Variants in TBC1D9 observed in about 807,000 individuals in gnomAD.
TBC1D9 encodes the protein TBC1 domain family member 9A.
Under a neutral mutation model 132.0 loss-of-function variants are expected in TBC1D9, and 63 were observed. That is an observed-to-expected ratio of 0.48 (90% CI 0.39 to 0.59). The LOEUF (loss-of-function observed/expected upper bound fraction) is 0.59, where lower values mean the gene tolerates loss of function less well. Among genes scored for constraint, TBC1D9 ranks in the 20% least tolerant of loss-of-function variants. The pLI is 0.00. For synonymous variants in TBC1D9, 610 were observed against 609.9 expected (o/e 1.00, Z 0.00); for missense variants, 1,261 against 1,592.7 (o/e 0.79, Z 3.54).
intron 13 of TBC1D9, chr4:140,641,934 A>C: frequency 2.1e-6 from 1 of 472,140 alleles, no homozygotes; most frequent in Non-Finnish European, 3.9e-6. Flanking sequence ...CACAGAAAGT[A>C]TTTTGTGTTT....
chr4:140,750,147 GA>G (rs1738898266), intron 1 of TBC1D9, among the ~76,000 whole-genome samples: 1 of 127,530 alleles, frequency 7.8e-6, no homozygotes, highest in Admixed American at 8.1e-5. Flanking sequence ...AACAGGCAAG[GA>G]GAACAAAAAT....
intron 1 of TBC1D9, among the ~76,000 whole-genome samples, chr4:140,709,956 G>A (rs1236955279): frequency 6.6e-6 from 1 of 152,116 alleles, no homozygotes; most frequent in Non-Finnish European, 1.5e-5. Flanking sequence ...AACAGGCCAC[G>A]GACTGACAGG....
chr4:140,705,539 T>C (rs1363614932), intron 1 of TBC1D9, among the ~76,000 whole-genome samples: 5 of 148,054 alleles, frequency 3.4e-5, no homozygotes, highest in Admixed American at 1.3e-4. Context: ...TGTGTGTGTG[T>C]GTGCGTTTTA....
intron 1 of TBC1D9, chr4:140,712,353 T>A (rs1233382894): frequency 1.4e-5 from 2 of 147,102 alleles, no homozygotes; most frequent in East Asian, 4.1e-4. Flanking sequence ...AATAACTAGT[T>A]TATCTCAAGT....
At chr4:140,652,910 G>A (rs1003704680) in intron 13 of TBC1D9, among the ~76,000 whole-genome samples, 2 of 152,174 alleles carry the variant, frequency 1.3e-5, no homozygotes, top group African/African-American at 2.4e-5. Flanking sequence ...ACACTGGGCT[G>A]GGTCATCTCG....
intron 20 of TBC1D9, 118 bp from the exon 21 acceptor site, chr4:140,623,035 G>A (rs1307076930): frequency 2.4e-5 from 30 of 1,253,402 alleles, no homozygotes; most frequent in South Asian, 3.6e-5. Flanking sequence ...AAAGTCCTCC[G>A]CCTAGGCTGG....
Position 140,751,372 on chromosome 4 carries a change from A to G in TBC1D9, c.130+4544T>C, listed in dbSNP as rs563160175. 3.9e-5 allele frequency among the ~76,000 whole-genome samples: 6 copies of G among 152,310 alleles called. No homozygotes were observed. In the South Asian group the frequency reaches 1.2e-3, roughly 32 times the overall value. On this transcript the variant is annotated intron_variant, in intron 1 of 20. Coordinates refer to ENST00000442267, the MANE Select transcript of TBC1D9 (RefSeq NM_015130.3). ...CAATAAATCATTCTGGGGCAAATGA[A>G]TGTCCACAAAAAGTTTAAAATACAA...
At chr4:140,627,349 T>C (rs1736725052) in intron 18 of TBC1D9, 92 bp downstream of exon 18, 3 of 796,764 alleles carry the variant, frequency 3.8e-6, no homozygotes, top group East Asian at 5.5e-5. Context: ...CATACTTCTT[T>C]GATTGACTAG....
intron 9 of TBC1D9, among the ~76,000 whole-genome samples, chr4:140,665,984 C>T (rs1191372631): frequency 1.3e-5 from 2 of 151,878 alleles, no homozygotes; most frequent in Non-Finnish European, 1.5e-5. Flanking sequence ...GTGCCCAGCC[C>T]ACACAAAAAC....
chr4:140,627,704 T>A (rs1038412250), intron 17 of TBC1D9, among the ~76,000 whole-genome samples, 177 bp from the exon 18 acceptor site: 1 of 152,202 alleles, frequency 6.6e-6, no homozygotes, highest in Non-Finnish European at 1.5e-5. Context: ...ACTAACTCCA[T>A]CTAACTCCAC....
chr4:140,717,573 T>A (rs1231862732), intron 1 of TBC1D9, among the ~76,000 whole-genome samples: 11 of 152,226 alleles, frequency 7.2e-5, no homozygotes, highest in Non-Finnish European at 1.5e-4. Flanking sequence ...ACCTTCACTT[T>A]CAGCTGAAAA....
chr4:140,673,967 C>T (rs180886377), intron 6 of TBC1D9, among the ~76,000 whole-genome samples: 4 of 152,332 alleles, frequency 2.6e-5, no homozygotes, highest in Admixed American at 6.5e-5. Context: ...TCCAGACCCT[C>T]TCTGCTCCTC....
intron 1 of TBC1D9, among the ~76,000 whole-genome samples, chr4:140,703,051 C>T (rs1378604128): frequency 6.6e-6 from 1 of 152,114 alleles, no homozygotes. Context: ...AGGGATTAGG[C>T]CACCTGAAAA....
intron 1 of TBC1D9, among the ~76,000 whole-genome samples, chr4:140,739,373 C>A (rs1738724507): frequency 6.6e-6 from 1 of 152,162 alleles, no homozygotes; most frequent in South Asian, 2.1e-4. Context: ...TTCCTCCCTC[C>A]TTTTGTAAAA....
intron 3 of TBC1D9, among the ~76,000 whole-genome samples, chr4:140,685,009 G>A (rs1737758940): frequency 6.6e-6 from 1 of 152,050 alleles, no homozygotes; most frequent in African/African-American, 2.4e-5. Context: ...ATAAATAAAT[G>A]GAGGGAAGAC....
At chr4:140,632,658 A>C (rs894460981) in intron 16 of TBC1D9, among the ~76,000 whole-genome samples, 1 of 152,162 alleles carries the variant, frequency 6.6e-6, no homozygotes, top group African/African-American at 2.4e-5. Context: ...TCTTTAGCTA[A>C]ATATGGAGAT....
Position 140,668,964 on chromosome 4 carries a change from T to C in TBC1D9, c.1541A>G (p.Lys514Arg). Residue 514 changes from lysine to arginine, a missense_variant, in exon 9 of 21, where the codon AAG (lysine) becomes AGG (arginine). Lys to Arg is a conservative substitution (Grantham distance 26). Transcript: ENST00000442267. ...RTEKTRELVL[K>R]GIPESMRGEL... Reference sequence around the variant, plus strand: ...CCCACGCATGCTCTCCGGGATGCCCTTCAACACCAGCTCCCGCGTTTTCTC... The same window carrying C: ...CCCACGCATGCTCTCCGGGATGCCCCTCAACACCAGCTCCCGCGTTTTCTC... 1 of 1,613,918 alleles carries C rather than the reference T, an allele frequency of 6.2e-7. No individual in the cohort carries two copies.
At chr4:140,740,585 G>A (rs112072424) in intron 1 of TBC1D9, among the ~76,000 whole-genome samples, 1,534 of 152,314 alleles carry the variant, frequency 0.01, 22 homozygotes, top group African/African-American at 0.034. Flanking sequence ...TCCCAGGAAT[G>A]TAACCATTGC....
rs772953642 is a variant in TBC1D9, at chr4:140,639,374, G to T, written c.2392C>A (p.Leu798Met). 1 of 1,613,206 alleles carries T rather than the reference G, an allele frequency of 6.2e-7. No homozygotes were observed. Among genetic ancestry groups the T allele is most frequent in the Non-Finnish European group, 8.5e-7 (1 of 1,179,586 alleles). The change falls in exon 14 of 21, where the codon CTG (leucine) becomes ATG (methionine). Residue 798 changes from leucine (L) to methionine (M), a missense_variant. This residue lies in a region of TBC1D9 where 618 missense variants were observed against 724.4 expected (regional missense o/e 0.85). Transcript: ENST00000442267. ...TCCTCCAGCGTCTGGATCACTTTCAGTCTCTGTTTGAATCTCATCTGTTCA... is the reference window on the plus strand; with the variant it reads ...TCCTCCAGCGTCTGGATCACTTTCATTCTCTGTTTGAATCTCATCTGTTCA... ...LIEQMRFKQR[L>M]KVIQTLEDTT...
Sources: allele counts gnomAD v4.1 joint callset (sites outside exome capture counted in the v4.1 genomes callset), GRCh38; gene constraint gnomAD v4.1.1; regional missense constraint gnomAD v4.1.1; transcripts MANE v1.5; gene names NCBI Gene and HGNC (gene_info 2026-07-23, HGNC 2026-07-21).